The following TNFRSF10A variants were observed in gnomAD, a reference collection of about 807,000 sequenced individuals.
TNFRSF10A encodes tumor necrosis factor receptor superfamily member 10A.
TNFRSF10A carries 44 observed loss-of-function variants against 42.8 expected under a neutral mutation model. That is an observed-to-expected ratio of 1.03 (90% CI 0.81 to 1.32). TNFRSF10A has a LOEUF of 1.32. Ranked by LOEUF, TNFRSF10A falls within the 40% of genes most tolerant of loss-of-function variation. The pLI, the probability that TNFRSF10A is intolerant of heterozygous loss-of-function variation, is 0.00. For synonymous variants in TNFRSF10A, 259 were observed against 234.2 expected (o/e 1.11, Z -0.97); for missense variants, 680 against 602.0 (o/e 1.13, Z -1.36).
rs58691757 is a variant in TNFRSF10A at position 23,213,436 on chromosome 8, C to CTTTTTTTTTT, written c.307-1234_307-1225dup. Among the ~76,000 whole-genome samples the CTTTTTTTTTT allele has an allele frequency of 5.7e-3, 392 of 68,598 alleles. 52 individuals carry two copies. Among genetic ancestry groups the CTTTTTTTTTT allele is most frequent in the Middle Eastern group, 0.02 (2 of 98 alleles). 45.0% of individuals were successfully genotyped at this position (68,598 alleles called of 152,430 possible). A position where few individuals can be genotyped will look rare whatever the true frequency, so the allele number is the denominator to read the frequency against. ...GCTGGTTTGGGCTTAGTTTGCTCCT[C>CTTTTTTTTTT]TTTTTTTTTTTTTTTTTTTTTTTTT... On this transcript the variant is annotated intron_variant, in intron 1 of 9. Transcript: ENST00000221132.
intron 9 of TNFRSF10A, among the ~76,000 whole-genome samples, chr8:23,192,779 T>A (rs928600517): frequency 1.3e-5 from 2 of 152,180 alleles, no homozygotes; most frequent in Non-Finnish European, 2.9e-5. Context: ...GACCCAATTG[T>A]CCCATAGAAA....
chr8:23,210,964 ATAT>A (rs1801084896), intron 2 of TNFRSF10A, among the ~76,000 whole-genome samples: 1 of 152,216 alleles, frequency 6.6e-6, no homozygotes, highest in Non-Finnish European at 1.5e-5. Flanking sequence ...AGCTAACATT[ATAT>A]TTAATGGTGA....
At chr8:23,197,666 C>T (rs543763363) in intron 8 of TNFRSF10A, among the ~76,000 whole-genome samples, 11 of 152,224 alleles carry the variant, frequency 7.2e-5, no homozygotes, top group East Asian at 5.8e-4. Context: ...ACACAATAAA[C>T]GTAATGTGCT....
At chr8:23,200,056 C>A (rs768541178) in intron 6 of TNFRSF10A, 139 bp from the exon 7 acceptor site, 18 of 1,005,438 alleles carry the variant, frequency 1.8e-5, no homozygotes, top group South Asian at 2.8e-5. Flanking sequence ...CCACATGAGG[C>A]CCTGCTAACT....
At position 23,190,808 on chromosome 8, in the gene TNFRSF10A, C is replaced by G. The variant is rs1800743662; in HGVS notation, c.*886G>C. On this transcript the variant is annotated 3_prime_UTR_variant, in exon 10 of 10. Transcript: ENST00000221132. ...AGACCCTGAAATGCTGGAAGCAGGACTTAATCCAGCCCAAAAACCTAAGAC... is the reference window on the plus strand; with the variant it reads ...AGACCCTGAAATGCTGGAAGCAGGAGTTAATCCAGCCCAAAAACCTAAGAC... The G allele has an allele frequency of 6.6e-6, 1 of 152,204 alleles. No homozygotes were observed. Among genetic ancestry groups the G allele is most frequent in the Non-Finnish European group, 1.5e-5 (1 of 68,074 alleles). 9.4% of individuals were successfully genotyped at this position (152,204 alleles called of 1,614,324 possible).
chr8:23,218,035 G>T (rs1236102858), intron 1 of TNFRSF10A, among the ~76,000 whole-genome samples: 1 of 152,182 alleles, frequency 6.6e-6, no homozygotes, highest in Non-Finnish European at 1.5e-5. Flanking sequence ...AACAAGTGAT[G>T]CTGGGACACA....
At chr8:23,199,780 C>G (rs1800880709) in intron 7 of TNFRSF10A, 106 bp downstream of exon 7, 2 of 1,494,780 alleles carry the variant, frequency 1.3e-6, no homozygotes, top group East Asian at 4.5e-5. Context: ...TTCAGAGACT[C>G]AGGGCAGCCA....
chr8:23,206,942 GC>G, intron 2 of TNFRSF10A: 1 of 297,402 alleles, frequency 3.4e-6, no homozygotes, highest in Non-Finnish European at 6.6e-6. Context: ...AAAGAAGGAA[GC>G]TCCTGCCCCT....
At chr8:23,209,717 A>G (rs552808253) in intron 2 of TNFRSF10A, among the ~76,000 whole-genome samples, 17 of 152,334 alleles carry the variant, frequency 1.1e-4, no homozygotes, top group African/African-American at 4.1e-4. Context: ...TACCCCCATT[A>G]TATCTAGGAA....
intron 2 of TNFRSF10A, among the ~76,000 whole-genome samples, chr8:23,210,639 G>A (rs1201192663): frequency 6.6e-6 from 1 of 152,078 alleles, no homozygotes; most frequent in Non-Finnish European, 1.5e-5. Context: ...CCGAGATCGC[G>A]CCACTGCACT....
chr8:23,202,339 G>T (rs73550481), intron 3 of TNFRSF10A, among the ~76,000 whole-genome samples: 2,772 of 152,288 alleles, frequency 0.018, 91 homozygotes, highest in African/African-American at 0.063. Context: ...ACACAGCCCA[G>T]GGGGAGCGTG....
intron 6 of TNFRSF10A, 62 bp from the exon 7 acceptor site, chr8:23,199,979 A>C: frequency 6.7e-6 from 9 of 1,337,346 alleles, no homozygotes; most frequent in African/African-American, 1.4e-5. Flanking sequence ...TCCTTCTTAG[A>C]GGGCAGTGTT....
intron 1 of TNFRSF10A, among the ~76,000 whole-genome samples, chr8:23,216,727 G>C (rs1801188629): frequency 6.7e-6 from 1 of 149,084 alleles, no homozygotes; most frequent in Non-Finnish European, 1.5e-5. Context: ...AGGCGACAGA[G>C]CAAGAAGCCA....
chr8:23,199,840 G>C lies in TNFRSF10A; in HGVS notation c.831+46C>G, dbSNP rs200142462. Reference sequence around the variant, plus strand: ...TGGACTACACTGTGGGCAAGAAGCAGTTCCTGAGCCCCTGATGCCCCCAGC... The same window carrying C: ...TGGACTACACTGTGGGCAAGAAGCACTTCCTGAGCCCCTGATGCCCCCAGC... On this transcript the variant is annotated intron_variant, in intron 7 of 9. Transcript: ENST00000221132. 36 of 1,614,070 alleles carry C rather than the reference G, an allele frequency of 2.2e-5. No homozygotes were observed. The South Asian group carries it at 4.0e-4, about 18-fold the overall frequency.
chr8:23,221,629 C>G (rs1029017866), intron 1 of TNFRSF10A, among the ~76,000 whole-genome samples: 2 of 152,104 alleles, frequency 1.3e-5, no homozygotes, highest in African/African-American at 4.8e-5. Context: ...GGAACTGGCC[C>G]CAGCCGACCA....
intron 1 of TNFRSF10A, among the ~76,000 whole-genome samples, chr8:23,217,222 T>G (rs1376221425): frequency 1.3e-5 from 2 of 152,196 alleles, no homozygotes; most frequent in Non-Finnish European, 2.9e-5. Flanking sequence ...AATTCATTTT[T>G]TTTTTCTTTT....
intron 1 of TNFRSF10A, among the ~76,000 whole-genome samples, chr8:23,221,635 G>C (rs1466557274): frequency 6.6e-6 from 1 of 152,100 alleles, no homozygotes; most frequent in African/African-American, 2.4e-5. Flanking sequence ...GGCCCCAGCC[G>C]ACCACAGTTT....
chr8:23,211,396 T>C (rs1563383466), intron 2 of TNFRSF10A, among the ~76,000 whole-genome samples: 1 of 152,290 alleles, frequency 6.6e-6, no homozygotes, highest in South Asian at 2.1e-4. Flanking sequence ...TTTTAAAAAT[T>C]AGAGATGATT....
chr8:23,216,671 G>A (rs1377830292), intron 1 of TNFRSF10A, among the ~76,000 whole-genome samples: 1 of 151,950 alleles, frequency 6.6e-6, no homozygotes, highest in Non-Finnish European at 1.5e-5. Flanking sequence ...GAACCCGGGA[G>A]GCAGAGGTTG....
Sources: gnomAD v4.1 joint callset for allele counts (sites outside exome capture counted in the v4.1 genomes callset) on GRCh38, gnomAD v4.1.1 for gene constraint, MANE v1.5 for transcripts, NCBI Gene and HGNC (gene_info 2026-07-23, HGNC 2026-07-21) for gene names.